Variants in SUCLG2 observed in about 807,000 individuals in gnomAD.
The protein encoded by SUCLG2 is succinate--CoA ligase [GDP-forming] subunit beta, mitochondrial.
SUCLG2 carries 42 observed loss-of-function variants against 47.9 expected under a neutral mutation model. The observed-to-expected ratio is 0.88, with a 90% CI of 0.69 to 1.14. The LOEUF (loss-of-function observed/expected upper bound fraction) is 1.14. Ranked by LOEUF, SUCLG2 falls within the 50% of genes most tolerant of loss-of-function variation. SUCLG2 has a pLI of 0.00. For synonymous variants in SUCLG2, 195 were observed against 197.3 expected (o/e 0.99, Z 0.10); for missense variants, 571 against 525.9 (o/e 1.09, Z -0.84).
At chr3:67,480,493 T>A (rs1460026964) in intron 9 of SUCLG2, among the ~76,000 whole-genome samples, 1 of 152,178 alleles carries the variant, frequency 6.6e-6, no homozygotes, top group East Asian at 1.9e-4. Context: ...CATGGAGTCA[T>A]GGAAACCTAG....
At chr3:67,431,172 A>T (rs1703470025) in intron 9 of SUCLG2, among the ~76,000 whole-genome samples, 1 of 152,176 alleles carries the variant, frequency 6.6e-6, no homozygotes, top group East Asian at 1.9e-4. Flanking sequence ...TTAGACCAAT[A>T]TCCCTGATGA....
chr3:67,629,083 C>T (rs950885262), intron 1 of SUCLG2, among the ~76,000 whole-genome samples: 1 of 152,164 alleles, frequency 6.6e-6, no homozygotes, highest in African/African-American at 2.4e-5. Flanking sequence ...GGTGTAAGAA[C>T]GTTTTCTGCT....
chr3:67,517,947 T>G (rs1705990432), intron 6 of SUCLG2, among the ~76,000 whole-genome samples: 1 of 152,162 alleles, frequency 6.6e-6, no homozygotes, highest in Non-Finnish European at 1.5e-5. Context: ...GCCTGCCAGG[T>G]GGCTAAGTAC....
intron 1 of SUCLG2, among the ~76,000 whole-genome samples, chr3:67,650,456 AT>A (rs1460747703): frequency 1.3e-5 from 2 of 152,252 alleles, no homozygotes; most frequent in East Asian, 3.9e-4. Context: ...TACAACAAGG[AT>A]TCTAAAATAG....
intron 10 of SUCLG2, among the ~76,000 whole-genome samples, chr3:67,400,039 A>G (rs2106812328): frequency 6.6e-6 from 1 of 152,080 alleles, no homozygotes; most frequent in African/African-American, 2.4e-5. Context: ...CAAACAAACA[A>G]ACGGACAAAA....
At chr3:67,526,550 C>A (rs770483186) in intron 4 of SUCLG2, among the ~76,000 whole-genome samples, 25 of 152,164 alleles carry the variant, frequency 1.6e-4, no homozygotes, top group Admixed American at 1.6e-3. Context: ...CATGAACAGA[C>A]AATTCACCAA....
chr3:67,588,260 C>G (rs1708075126), intron 2 of SUCLG2, among the ~76,000 whole-genome samples: 2 of 152,146 alleles, frequency 1.3e-5, no homozygotes. Flanking sequence ...TAACAAGTAT[C>G]ATGCTACTTG....
In SUCLG2 at chr3:67,529,200, A is replaced by T; in HGVS notation, c.227-14T>A. The T allele has an allele frequency of 6.3e-7, 1 of 1,597,090 alleles. No individual in the cohort carries two copies. The highest frequency in any genetic ancestry group is 8.5e-7 in the Non-Finnish European group (1 of 1,171,398). On this transcript the variant is annotated splice_polypyrimidine_tract_variant and intron_variant, in intron 2 of 10. Coordinates refer to ENST00000307227, the MANE Select transcript of SUCLG2 (RefSeq NM_003848.4). Reference sequence around the variant, plus strand: ...TTTCTTTTGCATCTGAAAAAGAAAAATCCAGAGTTGGTAGCTGATTTTAAA... The same window carrying T: ...TTTCTTTTGCATCTGAAAAAGAAAATTCCAGAGTTGGTAGCTGATTTTAAA...
At chr3:67,369,286 ATTAT>A (rs1701919364) in intron 10 of SUCLG2, among the ~76,000 whole-genome samples, 1 of 152,026 alleles carries the variant, frequency 6.6e-6, no homozygotes, top group Non-Finnish European at 1.5e-5. Context: ...TCCAAAAGGG[ATTAT>A]TTGTCTATTA....
rs879346201 is a variant in SUCLG2 at position 67,428,534 on chromosome 3, T to C, written c.1063-27683A>G. Among the ~76,000 whole-genome samples the C allele has an allele frequency of 8.5e-5, 13 of 152,106 alleles. No homozygotes were observed. The East Asian group carries it at 1.2e-3, about 14-fold the overall frequency. ...GCTGAAAATTCTAAAAATCAGAGCA[T>C]CTCTTTCCCTCAAAAGGAATGCAGC... On this transcript the variant is annotated intron_variant, in intron 9 of 10. Transcript: ENST00000307227.
intron 10 of SUCLG2, among the ~76,000 whole-genome samples, chr3:67,382,850 T>G (rs1051425383): frequency 3.3e-5 from 5 of 152,112 alleles, no homozygotes; most frequent in African/African-American, 1.2e-4. Context: ...GGGAATTCAG[T>G]GGAAACAAGC....
intron 9 of SUCLG2, among the ~76,000 whole-genome samples, chr3:67,453,818 T>A (rs1250033715): frequency 1.3e-5 from 2 of 152,210 alleles, no homozygotes; most frequent in African/African-American, 4.8e-5. Flanking sequence ...TGGTCACATG[T>A]GTATCAGTTA....
intron 1 of SUCLG2, among the ~76,000 whole-genome samples, chr3:67,625,583 C>T (rs915766157): frequency 6.7e-6 from 1 of 150,356 alleles, no homozygotes; most frequent in Non-Finnish European, 1.5e-5. Flanking sequence ...TAAAGGAGGA[C>T]AGTCAGCTCA....
intron 2 of SUCLG2, among the ~76,000 whole-genome samples, chr3:67,593,060 A>C (rs909054276): frequency 2.9e-4 from 44 of 152,234 alleles, no homozygotes; most frequent in Non-Finnish European, 4.8e-4. Flanking sequence ...ATTTGTGTAC[A>C]TTACTATAGG....
At chr3:67,568,974 A>G (rs1369346355) in intron 2 of SUCLG2, among the ~76,000 whole-genome samples, 1 of 152,212 alleles carries the variant, frequency 6.6e-6, no homozygotes, top group East Asian at 1.9e-4. Context: ...TCAGTTTTCA[A>G]TTCCTAAGTC....
chr3:67,626,592 T>C (rs1372075376), intron 1 of SUCLG2, among the ~76,000 whole-genome samples: 1 of 151,958 alleles, frequency 6.6e-6, no homozygotes, highest in Non-Finnish European at 1.5e-5. Flanking sequence ...GGAGAAAAAG[T>C]TGAAGGAGGA....
At chr3:67,574,979 A>C (rs1331800458) in intron 2 of SUCLG2, among the ~76,000 whole-genome samples, 1 of 152,220 alleles carries the variant, frequency 6.6e-6, no homozygotes. Context: ...CAGTTAGAAA[A>C]GATAAATTAA....
At chr3:67,500,185 G>A (rs1418338355) in intron 7 of SUCLG2, among the ~76,000 whole-genome samples, 2 of 152,190 alleles carry the variant, frequency 1.3e-5, no homozygotes, top group Non-Finnish European at 2.9e-5. Context: ...AAAAGCAGTG[G>A]CTATAATCTC....
chr3:67,582,868 CA>C (rs1236608196), intron 2 of SUCLG2, among the ~76,000 whole-genome samples: 18 of 151,086 alleles, frequency 1.2e-4, no homozygotes, highest in Admixed American at 5.9e-4. Context: ...TCCCCTCCCC[CA>C]CCAAAAAAAA....
Sources: gnomAD v4.1 joint callset for allele counts (sites outside exome capture counted in the v4.1 genomes callset) on GRCh38, gnomAD v4.1.1 for gene constraint, MANE v1.5 for transcripts, NCBI Gene and HGNC (gene_info 2026-07-23, HGNC 2026-07-21) for gene names.